ZNF12: variants seen among roughly 807,000 people sequenced by gnomAD.
ZNF12 encodes zinc finger protein 12.
ZNF12 carries 34 observed loss-of-function variants against 66.6 expected under a neutral mutation model. The observed-to-expected ratio is 0.51, with a 90% CI of 0.39 to 0.68. The LOEUF (loss-of-function observed/expected upper bound fraction) is 0.68. Among genes scored for constraint, ZNF12 ranks in the 30% least tolerant of loss-of-function variants. The pLI, the probability that ZNF12 is intolerant of heterozygous loss-of-function variation, is 0.00. For synonymous variants in ZNF12, 320 were observed against 278.9 expected, an observed-to-expected ratio of 1.15 and a Z score of -1.47; for missense variants, 697 against 826.9, an observed-to-expected ratio of 0.84 and a Z score of 1.93.
Position 6,702,958 on chromosome 7 carries a change from A to AACACAC in ZNF12, c.15+2195_15+2200dup, listed in dbSNP as rs143823177. On this transcript the variant is annotated intron_variant, in intron 2 of 4. Coordinates refer to ENST00000405858, the MANE Select transcript of ZNF12 (RefSeq NM_016265.4). ...CACACACACCAGATTCGTGTCCCAAAACACACACACACACACACACACCTG... is the reference window on the plus strand; with the variant it reads ...CACACACACCAGATTCGTGTCCCAAAACACACACACACACACACACACACACACCTG... Among the ~76,000 whole-genome samples, 138 of 100,836 alleles carry AACACAC rather than the reference A, an allele frequency of 1.4e-3. 1 individual carries two copies. The highest frequency in any genetic ancestry group is 6.5e-3 in the African/African-American group (123 of 18,994). The allele number at this position is 100,836 out of a possible 152,430, so 66.2% of individuals were successfully genotyped here. A position where few individuals can be genotyped will look rare whatever the true frequency, so the allele number is the denominator to read the frequency against.
chr7:6,695,507 G>A (rs1283844714), intron 4 of ZNF12, among the ~76,000 whole-genome samples: 1 of 152,108 alleles, frequency 6.6e-6, no homozygotes, highest in Non-Finnish European at 1.5e-5. Context: ...ATTTGGCCCA[G>A]GCATGCATAT....
chr7:6,698,088 A>C lies in ZNF12; in HGVS notation c.16-277T>G. 1.6e-6 allele frequency: 1 copy of C among 631,508 alleles called. No homozygotes were observed. The highest frequency in any genetic ancestry group is 1.4e-5 in the South Asian group (1 of 70,070). The allele number at this position is 631,508 out of a possible 1,614,324, so 39.1% of individuals were successfully genotyped here. A position where few individuals can be genotyped will look rare whatever the true frequency, so the allele number is the denominator to read the frequency against. On this transcript the variant is annotated intron_variant, in intron 2 of 4. Coordinates refer to ENST00000405858, the MANE Select transcript of ZNF12 (RefSeq NM_016265.4). This position sits in a 1 kb window ranked among gnomAD's most constrained non-coding sequence, Gnocchi z 4.4. ...GGAACTCTTAACACCAGCAGGGACG[A>C]ATCTCACCCCTGAGGAGCACAGGCC...
intron 1 of ZNF12, among the ~76,000 whole-genome samples, chr7:6,706,085 G>C (rs955764059): frequency 1.8e-4 from 28 of 152,172 alleles, no homozygotes; most frequent in Non-Finnish European, 3.8e-4. Context: ...GGCTGTTCCT[G>C]CACTACAACG....
intron 4 of ZNF12, among the ~76,000 whole-genome samples, chr7:6,695,305 G>T (rs1296185084): frequency 6.6e-6 from 1 of 152,232 alleles, no homozygotes; most frequent in Non-Finnish European, 1.5e-5. Flanking sequence ...AATCAGAGAA[G>T]CTGTTCTTAA....
At chr7:6,700,304 T>TATACACACACACAC (rs1554294764) in intron 2 of ZNF12, among the ~76,000 whole-genome samples, 28 of 129,058 alleles carry the variant, frequency 2.2e-4, no homozygotes, top group Non-Finnish European at 3.7e-4. Context: ...AAAAAAAATA[T>TATACACACACACAC]ACACACACAC....
chr7:6,691,096 G>C lies in ZNF12; in HGVS notation c.1846C>G (p.Gln616Glu). The C allele has an allele frequency of 6.2e-7, 1 of 1,614,120 alleles. No individual in the cohort carries two copies. Among genetic ancestry groups the C allele is most frequent in the Non-Finnish European group, 8.5e-7 (1 of 1,180,010 alleles). ...ECYECGKCFS[Q>E]MSYLTIHHRI... ...TGATGTATAGTGAGATAGGACATCT[G>C]AGAGAAGCACTTCCCACATTCATAA... The change falls in exon 5 of 5, where the codon CAG (glutamine) becomes GAG (glutamate). Residue 616 changes from glutamine (Q) to glutamate (E), a missense_variant. Gln to Glu is a conservative substitution (Grantham distance 29, BLOSUM62 2). This residue lies in a region of ZNF12 where 401 missense variants were observed against 519.0 expected (regional missense o/e 0.77). Transcript: ENST00000405858.
Position 6,706,700 on chromosome 7 carries a change from C to T in ZNF12, c.-319G>A, listed in dbSNP as rs974029642. 2 of 258,700 alleles carry T rather than the reference C, an allele frequency of 7.7e-6. No individual in the cohort carries two copies. Among genetic ancestry groups the T allele is most frequent in the African/African-American group, 4.8e-5 (2 of 41,910 alleles). 16.0% of individuals were successfully genotyped at this position (258,700 alleles called of 1,614,324 possible). A position where few individuals can be genotyped will look rare whatever the true frequency, so the allele number is the denominator to read the frequency against. On this transcript the variant is annotated 5_prime_UTR_variant, in exon 1 of 5. Coordinates refer to ENST00000405858, the MANE Select transcript of ZNF12 (RefSeq NM_016265.4). ...ACGGGCCGGGCCCGGGTCCCGCCGC[C>T]CCTTCGCCTCCGCCGTCGTCACCGC...
In ZNF12 at chr7:6,692,149, C is replaced by T; in HGVS notation, c.793G>A (p.Glu265Lys). The change falls in exon 5 of 5, where the codon GAA becomes AAA. Residue 265 changes from glutamate to lysine, a missense_variant. Transcript: ENST00000405858. The surrounding 1 kb of genome is among the most constrained non-coding windows in gnomAD (Gnocchi z 5.1). ...DLTVHQTSHM[E>K]MKPYECSECG... ...TCACTGCATTCATAGGGCTTCATTT[C>T]CATATGAGATGTCTGATGTACAGTG... 6.2e-7 allele frequency: 1 copy of T among 1,614,096 alleles called. No individual in the cohort carries two copies. Among genetic ancestry groups the T allele is most frequent in the Non-Finnish European group, 8.5e-7 (1 of 1,179,988 alleles).
In ZNF12 at chr7:6,690,079, A is replaced by T. The variant is rs953999200; in HGVS notation, c.*769T>A. The T allele has an allele frequency of 6.6e-6, 1 of 152,228 alleles. No homozygotes were observed. Among genetic ancestry groups the T allele is most frequent in the Non-Finnish European group, 1.5e-5 (1 of 68,036 alleles). 9.4% of individuals were successfully genotyped at this position (152,228 alleles called of 1,614,324 possible). ...TGACTCAGATACAGTTGAAAACATT[A>T]TAAAAGCATTGGTCCTTTAGAGCTG... On this transcript the variant is annotated 3_prime_UTR_variant, in exon 5 of 5. Coordinates refer to ENST00000405858, the MANE Select transcript of ZNF12 (RefSeq NM_016265.4).
At position 6,698,850 on chromosome 7, in the gene ZNF12, C is replaced by T. The variant is rs546115302; in HGVS notation, c.16-1039G>A. 8.5e-5 allele frequency among the ~76,000 whole-genome samples: 13 copies of T among 152,346 alleles called. No homozygotes were observed. In the South Asian group the frequency reaches 2.7e-3, roughly 32 times the overall value. On this transcript the variant is annotated intron_variant, in intron 2 of 4. Transcript: ENST00000405858. The surrounding 1 kb of genome is among the most constrained non-coding windows in gnomAD (Gnocchi z 4.4). ...CAAGTACTCACACTAGCCATTATAA[C>T]TGTTTCCTTTAATATCATCCCCTCT...
chr7:6,697,359 A>T lies in ZNF12; in HGVS notation c.218T>A (p.Phe73Tyr), dbSNP rs1780169446. The change falls in exon 4 of 5, where the codon TTC becomes TAC. Residue 73 changes from phenylalanine (F) to tyrosine (Y), a missense_variant. Coordinates refer to ENST00000405858, the MANE Select transcript of ZNF12 (RefSeq NM_016265.4). This position sits in a 1 kb window ranked among gnomAD's most constrained non-coding sequence, Gnocchi z 6.1. ...CACACCTGGATAGCTCTGAAGTAGG[A>T]ATTCTCCTTCTACTATCCATGGCTC... ...GEEPWIVEGE[F>Y]LLQSYPDEVW... 9 of 1,610,596 alleles carry T rather than the reference A, an allele frequency of 5.6e-6. No homozygotes were observed. The South Asian group carries it at 1.0e-4, about 18-fold the overall frequency.
In ZNF12 at chr7:6,697,790, C is replaced by A; in HGVS notation, c.37G>T (p.Val13Leu). 1 of 1,614,156 alleles carries A rather than the reference C, an allele frequency of 6.2e-7. No homozygotes were observed. The highest frequency in any genetic ancestry group is 8.5e-7 in the Non-Finnish European group (1 of 1,180,030). Residue 13 changes from valine (V) to leucine (L), a missense_variant, in exon 3 of 5, where the codon GTG becomes TTG. Val to Leu is a conservative substitution (Grantham distance 32). Around this residue, in one of 3 missense-constraint regions of ZNF12, gnomAD observed 55 missense variants for 83.9 expected, o/e 0.66. Transcript: ENST00000405858. This position sits in a 1 kb window ranked among gnomAD's most constrained non-coding sequence, Gnocchi z 6.1. The part of the protein sequence containing the change: ...KSLGPVSFKD[V>L]AVDFTQEEWQ... The stretch of plus-strand genomic sequence containing the variant: ...TCCTCCTGGGTGAAGTCCACAGCCA[C>A]GTCCTTGAATGACACTGGCCCCTGA...
At chr7:6,704,999 T>C (rs1051382690) in intron 2 of ZNF12, among the ~76,000 whole-genome samples, 160 bp downstream of exon 2, 1 of 152,230 alleles carries the variant, frequency 6.6e-6, no homozygotes. Flanking sequence ...TCTGCGCATA[T>C]GAATATGATA....
At chr7:6,704,740 C>CAAAAAAAAAAAAAAAAAAAAAA (rs949897713) in intron 2 of ZNF12, among the ~76,000 whole-genome samples, 1 of 32,252 alleles carries the variant, frequency 3.1e-5, no homozygotes, top group African/African-American at 1.0e-4. Context: ...TACTTGGTCT[C>CAAAAAAAAAAAAAAAAAAAAAA]AAAAAAAAAA....
chr7:6,694,748 T>C (rs1260103149), intron 4 of ZNF12, among the ~76,000 whole-genome samples: 2 of 152,060 alleles, frequency 1.3e-5, no homozygotes, highest in Non-Finnish European at 2.9e-5. Context: ...CCTACCTTTG[T>C]AGGGGATTTC....
Position 6,691,486 on chromosome 7 carries a change from C to T in ZNF12, c.1456G>A (p.Val486Met). The T allele has an allele frequency of 6.2e-7, 1 of 1,610,190 alleles. No individual in the cohort carries two copies. The highest frequency in any genetic ancestry group is 2.2e-5 in the East Asian group (1 of 44,614). Residue 486 changes from valine to methionine, a missense_variant, in exon 5 of 5, where the codon GTG becomes ATG. Val to Met is a conservative substitution (Grantham distance 21). Around this residue, in one of 3 missense-constraint regions of ZNF12, gnomAD observed 401 missense variants for 519.0 expected, o/e 0.77. Coordinates refer to ENST00000405858, the MANE Select transcript of ZNF12 (RefSeq NM_016265.4). ...TCGTAAGGTTTCTCTCCTGTGTGCA[C>T]TCTCTGATGTCTCATGAGGGCTGAA... Reference protein sequence around the residue: ...LNSALMRHQRVHTGEKPYECN... With the variant: ...LNSALMRHQRMHTGEKPYECN...
rs1780092056 is a variant in ZNF12, at chr7:6,692,655, T to C, written c.287A>G (p.Glu96Gly). 6.2e-7 allele frequency: 1 copy of C among 1,609,200 alleles called. No homozygotes were observed. ...CACAGTTTGCCTTGAAGGTTTATTT[T>C]CCTCTTCCTGGATTCTCTCTATTAG... ...DDLIERIQEE[E>G]NKPSRQTVFI... Residue 96 changes from glutamate (E) to glycine (G), a missense_variant, in exon 5 of 5, where the codon GAA becomes GGA. Glu to Gly is a moderately conservative substitution (Grantham distance 98). Around this residue, in one of 3 missense-constraint regions of ZNF12, gnomAD observed 241 missense variants for 224.0 expected, o/e 1.08. Transcript: ENST00000405858. The surrounding 1 kb of genome is among the most constrained non-coding windows in gnomAD (Gnocchi z 5.1).
intron 2 of ZNF12, chr7:6,701,012 C>G (rs1037010213): frequency 1.3e-5 from 2 of 152,218 alleles, no homozygotes; most frequent in Admixed American, 6.5e-5. Flanking sequence ...GGATCTTGAT[C>G]TGTTGCCCAG....
rs1229358621 is a variant in ZNF12 at position 6,706,677 on chromosome 7, G to A, written c.-296C>T. The A allele has an allele frequency of 1.0e-5, 3 of 296,588 alleles. No homozygotes were observed. Among genetic ancestry groups the A allele is most frequent in the Admixed American group, 5.7e-5 (1 of 17,570 alleles). The allele number at this position is 296,588 out of a possible 1,614,324, so 18.4% of individuals were successfully genotyped here. A position where few individuals can be genotyped will look rare whatever the true frequency, so the allele number is the denominator to read the frequency against. On this transcript the variant is annotated 5_prime_UTR_variant, in exon 1 of 5. Transcript: ENST00000405858. ...GGGCCGGGCCGTCGAGGACGCACAC[G>A]GGCCGGGCCCGGGTCCCGCCGCCCC...
Sources: gnomAD v4.1 joint callset for allele counts (sites outside exome capture counted in the v4.1 genomes callset) on GRCh38, gnomAD v4.1.1 for gene constraint, gnomAD v4.1.1 regional missense constraint, Gnocchi (gnomAD v3.1) non-coding constraint, MANE v1.5 for transcripts, NCBI Gene and HGNC (gene_info 2026-07-23, HGNC 2026-07-21) for gene names.